The following STXBP4 variants were observed in gnomAD, a reference collection of about 807,000 sequenced individuals.
STXBP4 encodes the protein syntaxin binding protein 4.
In STXBP4, 55 loss-of-function variants were observed where a neutral mutation model predicts 76.1. The observed-to-expected ratio is 0.72, with a 90% CI of 0.58 to 0.91. STXBP4 has a LOEUF of 0.91. Among genes scored for constraint, STXBP4 ranks in the 40% least tolerant of loss-of-function variants. The pLI, the probability that STXBP4 is intolerant of heterozygous loss-of-function variation, is 0.00. For synonymous variants in STXBP4, 201 were observed against 220.2 expected (o/e 0.91, Z 0.77); for missense variants, 618 against 636.9 (o/e 0.97, Z 0.32).
intron 7 of STXBP4, among the ~76,000 whole-genome samples, chr17:55,006,657 G>A (rs2078013308): frequency 6.6e-6 from 1 of 152,214 alleles, no homozygotes; most frequent in African/African-American, 2.4e-5. Flanking sequence ...TGGGTAAGAA[G>A]TGTATGACTT....
chr17:55,177,846 A>G (rs1854039698), downstream of STXBP4, among the ~76,000 whole-genome samples: 1 of 152,234 alleles, frequency 6.6e-6, no homozygotes, highest in South Asian at 2.1e-4. Flanking sequence ...AACATGCCTG[A>G]GTGAAAGTAA....
intron 17 of STXBP4, among the ~76,000 whole-genome samples, chr17:55,148,941 G>C (rs768621878): frequency 2.6e-5 from 4 of 152,162 alleles, no homozygotes; most frequent in Non-Finnish European, 4.4e-5. Context: ...TGACAAATTA[G>C]TAAGATCTAA....
At chr17:55,180,757 C>T in the STXBP4 span, among the ~76,000 whole-genome samples, 5 of 152,118 alleles carry the variant, frequency 3.3e-5, no homozygotes, top group East Asian at 1.9e-4. Context: ...AGAAAGCCTC[C>T]CTCATCACAG....
intron 14 of STXBP4, 92 bp downstream of exon 14, chr17:55,078,286 A>T: frequency 2.4e-6 from 2 of 816,624 alleles, no homozygotes; most frequent in Non-Finnish European, 3.9e-6. Flanking sequence ...ACCTAGTGAA[A>T]CATTCTCTAG....
the STXBP4 span, among the ~76,000 whole-genome samples, chr17:55,206,335 C>G: frequency 6.6e-6 from 1 of 152,098 alleles, no homozygotes; most frequent in Non-Finnish European, 1.5e-5. Context: ...AGGCAAATCC[C>G]AAAGCTTCTT....
At chr17:55,196,121 A>G in the STXBP4 span, among the ~76,000 whole-genome samples, 1 of 152,128 alleles carries the variant, frequency 6.6e-6, no homozygotes, top group African/African-American at 2.4e-5. Flanking sequence ...AACCCCCTCA[A>G]TATGGGTTGG....
intron 16 of STXBP4, among the ~76,000 whole-genome samples, chr17:55,116,978 A>G (rs2079787664): frequency 6.6e-6 from 1 of 151,908 alleles, no homozygotes. Context: ...ATAATACTGC[A>G]GATGAGTTAA....
At chr17:55,086,051 A>G (rs1249362985) in intron 16 of STXBP4, among the ~76,000 whole-genome samples, 2 of 152,160 alleles carry the variant, frequency 1.3e-5, no homozygotes, top group African/African-American at 4.8e-5. Flanking sequence ...GAACACTGCC[A>G]TCATTAATTT....
intron 16 of STXBP4, among the ~76,000 whole-genome samples, chr17:55,108,864 C>T (rs1038885083): frequency 1.3e-5 from 2 of 152,162 alleles, no homozygotes; most frequent in African/African-American, 4.8e-5. Flanking sequence ...GCCATCTTGC[C>T]AGCCATCAGT....
intron 8 of STXBP4, among the ~76,000 whole-genome samples, chr17:55,017,319 G>T (rs2078226331): frequency 6.6e-6 from 1 of 152,102 alleles, no homozygotes; most frequent in African/African-American, 2.4e-5. Context: ...TGGCAAGGGT[G>T]ATGGGGAACG....
In STXBP4 at chr17:55,059,815, G is replaced by T. The variant is rs376895668; in HGVS notation, c.1011+12661G>T. ...AATAGGCAATGGAGGATTTAACTGG[G>T]TAATCATAATAGTAATATACCAAAA... On this transcript the variant is annotated intron_variant, in intron 12 of 17. Coordinates refer to ENST00000376352, the MANE Select transcript of STXBP4 (RefSeq NM_178509.6). 1.2e-3 allele frequency among the ~76,000 whole-genome samples: 188 copies of T among 152,132 alleles called. 1 individual carries two copies. The highest frequency in any genetic ancestry group is 4.3e-3 in the African/African-American group (180 of 41,520).
intron 5 of STXBP4, 34 bp from the exon 6 acceptor site, chr17:54,999,598 G>T (rs751533214): frequency 6.4e-7 from 1 of 1,570,974 alleles, no homozygotes; most frequent in East Asian, 2.2e-5. Context: ...TATATTCATA[G>T]CATATCCATA....
At chr17:55,108,086 G>T (rs890626660) in intron 16 of STXBP4, among the ~76,000 whole-genome samples, 1 of 152,194 alleles carries the variant, frequency 6.6e-6, no homozygotes, top group Non-Finnish European at 1.5e-5. Flanking sequence ...CCCTGACTGG[G>T]GCTGCTGCCT....
chr17:55,002,576 T>C (rs1448540974), intron 7 of STXBP4, among the ~76,000 whole-genome samples: 2 of 152,216 alleles, frequency 1.3e-5, no homozygotes, highest in Non-Finnish European at 2.9e-5. Flanking sequence ...TGGGTGGTTT[T>C]GTTACTCTAA....
At chr17:55,067,324 A>G (rs1162732312) in intron 12 of STXBP4, among the ~76,000 whole-genome samples, 1 of 152,216 alleles carries the variant, frequency 6.6e-6, no homozygotes, top group Admixed American at 6.5e-5. Flanking sequence ...AAGGAGAGAA[A>G]GATCATTTAT....
At chr17:55,101,754 TAAAAG>T (rs2079568906) in intron 16 of STXBP4, among the ~76,000 whole-genome samples, 1 of 152,192 alleles carries the variant, frequency 6.6e-6, no homozygotes, top group South Asian at 2.1e-4. Context: ...CTTTTGTAAA[TAAAAG>T]GAGCTTTAAA....
At chr17:54,970,471 A>G (rs915679953) in intron 1 of STXBP4, among the ~76,000 whole-genome samples, 1 of 152,212 alleles carries the variant, frequency 6.6e-6, no homozygotes, top group Non-Finnish European at 1.5e-5. Context: ...CCAATAAAAT[A>G]TAAATACCTT....
chr17:55,087,032 A>G (rs967616595), intron 16 of STXBP4, among the ~76,000 whole-genome samples: 2 of 152,064 alleles, frequency 1.3e-5, no homozygotes, highest in Non-Finnish European at 2.9e-5. Context: ...AGCATTTTTC[A>G]TCTATTTGCT....
At chr17:54,978,656 T>C (rs991201092) in intron 1 of STXBP4, among the ~76,000 whole-genome samples, 4 of 152,174 alleles carry the variant, frequency 2.6e-5, no homozygotes, top group African/African-American at 7.2e-5. Context: ...GCCAAGAAGG[T>C]ACACTGGAAC....
Sources: allele counts gnomAD v4.1 joint callset (sites outside exome capture counted in the v4.1 genomes callset), GRCh38; gene constraint gnomAD v4.1.1; transcripts MANE v1.5; gene names NCBI Gene and HGNC (gene_info 2026-07-23, HGNC 2026-07-21).